Variants in CCM2 observed in about 807,000 individuals in gnomAD.
CCM2 encodes cerebral cavernous malformations 2 protein.
In CCM2, 25 loss-of-function variants were observed where a neutral mutation model predicts 44.9. The observed-to-expected ratio is 0.56, with a 90% CI of 0.41 to 0.78. The LOEUF is 0.78. Ranked by LOEUF, CCM2 falls within the 30% of genes least tolerant of loss-of-function variation. The pLI is 0.00. For synonymous variants in CCM2, 219 were observed against 241.1 expected, an observed-to-expected ratio of 0.91 and a Z score of 0.85; for missense variants, 481 against 580.6, an observed-to-expected ratio of 0.83 and a Z score of 1.76.
intron 1 of CCM2, chr7:45,029,311 G>A (rs1235335686): frequency 6.6e-6 from 1 of 152,070 alleles, no homozygotes; most frequent in Non-Finnish European, 1.5e-5. Context: ...TGTTTTATTA[G>A]ATAAAACCCA....
chr7:45,000,813 C>G (rs1310707183), intron 1 of CCM2, among the ~76,000 whole-genome samples: 1 of 152,236 alleles, frequency 6.6e-6, no homozygotes, highest in African/African-American at 2.4e-5. Flanking sequence ...CACTATCACT[C>G]AGACCTAAAA....
intron 2 of CCM2, among the ~76,000 whole-genome samples, chr7:45,052,373 A>T (rs1367159512): frequency 6.6e-6 from 1 of 151,926 alleles, no homozygotes; most frequent in Admixed American, 6.6e-5. Flanking sequence ...CTTGTGCCTA[A>T]GTATGTGAAC....
At chr7:45,035,369 A>G (rs1024205505) in intron 1 of CCM2, among the ~76,000 whole-genome samples, 5 of 152,190 alleles carry the variant, frequency 3.3e-5, no homozygotes, top group Non-Finnish European at 7.3e-5. Context: ...AACTGTTACC[A>G]ACTCTGAGGA....
chr7:45,075,326 C>T (rs1409228313), intron 9 of CCM2, among the ~76,000 whole-genome samples: 1 of 152,252 alleles, frequency 6.6e-6, no homozygotes, highest in Admixed American at 6.5e-5. Context: ...TAGGTCATGG[C>T]AGGGAAACTG....
At chr7:45,056,402 C>G (rs1798263559) in intron 2 of CCM2, among the ~76,000 whole-genome samples, 1 of 152,132 alleles carries the variant, frequency 6.6e-6, no homozygotes, top group South Asian at 2.1e-4. Flanking sequence ...CGCCTGTAAT[C>G]CTAGCACTTT....
chr7:45,032,164 T>C (rs1034824858), intron 1 of CCM2, among the ~76,000 whole-genome samples: 1 of 152,132 alleles, frequency 6.6e-6, no homozygotes, highest in African/African-American at 2.4e-5. Flanking sequence ...TATTCCACTT[T>C]CTAGGAAGGC....
intron 2 of CCM2, among the ~76,000 whole-genome samples, chr7:45,046,205 C>T (rs915929479): frequency 6.6e-6 from 1 of 152,280 alleles, no homozygotes; most frequent in African/African-American, 2.4e-5. Flanking sequence ...TAGATATAAA[C>T]AAGACTATTC....
chr7:45,035,614 A>C (rs1336221027), intron 1 of CCM2, among the ~76,000 whole-genome samples: 1 of 152,192 alleles, frequency 6.6e-6, no homozygotes, highest in East Asian at 1.9e-4. Context: ...AAGGGGAGCT[A>C]TTCCAGGTGA....
At chr7:45,028,059 C>T (rs1796772020) in intron 1 of CCM2, among the ~76,000 whole-genome samples, 1 of 152,204 alleles carries the variant, frequency 6.6e-6, no homozygotes, top group African/African-American at 2.4e-5. Context: ...ATTCATCCAT[C>T]TTGACTCAAG....
At chr7:45,064,057 T>A in intron 3 of CCM2, 56 bp downstream of exon 3, 1 of 1,250,966 alleles carries the variant, frequency 8.0e-7, no homozygotes, top group South Asian at 1.2e-5. Context: ...CAGCCCTTGG[T>A]CCCTGTACTC....
intron 4 of CCM2, among the ~76,000 whole-genome samples, chr7:45,064,945 GTGGAGT>G (rs1404547015): frequency 6.6e-6 from 1 of 152,152 alleles, no homozygotes; most frequent in African/African-American, 2.4e-5. Context: ...TCTGGGTACA[GTGGAGT>G]TGCCCCTCTG....
intron 2 of CCM2, among the ~76,000 whole-genome samples, chr7:45,044,728 T>C (rs1193876451): frequency 1.3e-5 from 2 of 152,216 alleles, no homozygotes; most frequent in Admixed American, 6.5e-5. Flanking sequence ...GAGACATTAG[T>C]GACCTCATAT....
intron 1 of CCM2, among the ~76,000 whole-genome samples, chr7:45,013,206 G>C (rs1183998863): frequency 1.3e-5 from 2 of 151,820 alleles, no homozygotes; most frequent in Admixed American, 1.3e-4. Context: ...CTTGTACACT[G>C]TAAGAACCTA....
intron 4 of CCM2, among the ~76,000 whole-genome samples, chr7:45,065,719 T>C (rs1434493080): frequency 1.3e-5 from 2 of 152,150 alleles, no homozygotes; most frequent in East Asian, 3.8e-4. Context: ...TGGCTGTTGC[T>C]CTGTTTTGTT....
rs777116778 is a variant in CCM2, at chr7:45,076,183, C to T, written c.*126C>T. ...AGGGAGAGGCGCCCGGTGCAGATGG[C>T]CCCGGGCGGCCCAGGTCCTCTACTG... is the stretch of plus-strand genomic sequence containing the variant. On this transcript the variant is annotated 3_prime_UTR_variant, in exon 10 of 10. Coordinates refer to ENST00000258781, the MANE Select transcript of CCM2 (RefSeq NM_031443.4). 10 of 1,349,790 alleles carry T rather than the reference C, an allele frequency of 7.4e-6. No homozygotes were observed. The highest frequency in any genetic ancestry group is 1.0e-5 in the Non-Finnish European group (10 of 976,254). The allele number at this position is 1,349,790 out of a possible 1,614,324, so 83.6% of individuals were successfully genotyped here. A position where few individuals can be genotyped will look rare whatever the true frequency, so the allele number is the denominator to read the frequency against.
In CCM2 at chr7:45,038,250, C is replaced by T; in HGVS notation, c.31-3C>T. ...CTCCAATCATTGCCGTTTCTGCCTGCAGCCTGGAATTGTCTCGCCATTTAA... is the reference window on the plus strand; with the variant it reads ...CTCCAATCATTGCCGTTTCTGCCTGTAGCCTGGAATTGTCTCGCCATTTAA... On this transcript the variant is annotated splice_region_variant and splice_polypyrimidine_tract_variant and intron_variant, in intron 1 of 9. Transcript: ENST00000258781. 1 of 1,613,950 alleles carries T rather than the reference C, an allele frequency of 6.2e-7. No homozygotes were observed. The highest frequency in any genetic ancestry group is 8.5e-7 in the Non-Finnish European group (1 of 1,180,018).
intron 1 of CCM2, among the ~76,000 whole-genome samples, chr7:45,016,518 C>A (rs1037385864): frequency 1.3e-5 from 2 of 150,864 alleles, no homozygotes; most frequent in South Asian, 4.2e-4. Flanking sequence ...TTAGTAGAGA[C>A]GGGGTTTCAT....
chr7:45,074,825 C>T (rs137958979), intron 9 of CCM2, among the ~76,000 whole-genome samples: 1 of 152,126 alleles, frequency 6.6e-6, no homozygotes, highest in Non-Finnish European at 1.5e-5. Context: ...TTGCCAAGAC[C>T]CCTAAAATGC....
At chr7:45,002,949 G>A (rs952345544) in intron 1 of CCM2, among the ~76,000 whole-genome samples, 1 of 152,184 alleles carries the variant, frequency 6.6e-6, no homozygotes, top group Non-Finnish European at 1.5e-5. Context: ...GTGACCACTT[G>A]GGGCTGCTCT....
Sources: gnomAD v4.1 joint callset for allele counts (sites outside exome capture counted in the v4.1 genomes callset) on GRCh38, gnomAD v4.1.1 for gene constraint, MANE v1.5 for transcripts, NCBI Gene and HGNC (gene_info 2026-07-23, HGNC 2026-07-21) for gene names.